The following ROBO1 variants were observed in gnomAD, a reference collection of about 807,000 sequenced individuals.
The protein encoded by ROBO1 is roundabout homolog 1.
In ROBO1, 149 loss-of-function variants were observed where a neutral mutation model predicts 195.9. The observed-to-expected ratio is 0.76, with a 90% CI of 0.67 to 0.87. The LOEUF (loss-of-function observed/expected upper bound fraction) is 0.87, where lower values mean the gene tolerates loss of function less well. Among genes scored for constraint, ROBO1 ranks in the 40% least tolerant of loss-of-function variants. The pLI is 0.00. For missense variants in ROBO1, 1,933 were observed against 2,068.3 expected, an observed-to-expected ratio of 0.93 and a Z score of 1.27; for synonymous variants, 816 against 733.2, an observed-to-expected ratio of 1.11 and a Z score of -1.82.
At chr3:78,795,839 A>G (rs1463064891) in intron 4 of ROBO1, among the ~76,000 whole-genome samples, 3 of 151,856 alleles carry the variant, frequency 2.0e-5, no homozygotes, top group Middle Eastern at 3.4e-3. Context: ...AAATACCCTA[A>G]GGAACTGGGA....
chr3:79,285,084 T>A (rs1201048050), intron 2 of ROBO1, among the ~76,000 whole-genome samples: 1 of 152,236 alleles, frequency 6.6e-6, no homozygotes, highest in East Asian at 1.9e-4. Flanking sequence ...TTGAATAACT[T>A]AACATATTGA....
chr3:78,685,770 T>G lies in ROBO1; in HGVS notation c.1318A>C (p.Lys440Gln), dbSNP rs2081036771. Residue 440 changes from lysine (K) to glutamine (Q), a missense_variant, in exon 10 of 31, where the codon AAG becomes CAG. By Grantham distance (53) the Lys-to-Gln change is moderately conservative. Coordinates refer to ENST00000464233, the MANE Select transcript of ROBO1 (RefSeq NM_002941.4). ...TLNVAGSIIT[K>Q]AYLEVTDVIA... is the part of the protein sequence containing the mutation. Reference sequence around the variant, plus strand: ...CCATCTGTAACTTCCAAATATGCCTTTGTGATGATGCTTCCAGCAACATTT... The same window carrying G: ...CCATCTGTAACTTCCAAATATGCCTGTGTGATGATGCTTCCAGCAACATTT... The G allele has an allele frequency of 1.2e-6, 2 of 1,609,534 alleles. No individual in the cohort carries two copies. Among genetic ancestry groups the G allele is most frequent in the African/African-American group, 2.7e-5 (2 of 74,842 alleles).
intron 2 of ROBO1, among the ~76,000 whole-genome samples, chr3:79,473,192 G>C (rs1938375865): frequency 6.6e-6 from 1 of 152,138 alleles, no homozygotes; most frequent in Non-Finnish European, 1.5e-5. Flanking sequence ...CTTTATTAGA[G>C]AAAGTAGGAG....
rs1265411925 is a variant in ROBO1, at chr3:78,786,866, A to T, written c.500-39966T>A. 2.6e-5 allele frequency among the ~76,000 whole-genome samples: 4 copies of T among 152,224 alleles called. No individual in the cohort carries two copies. In the East Asian group the frequency reaches 7.7e-4, roughly 29 times the overall value. ...TAGCAGTATGAAAATGGACTAATAC[A>T]TCATTTTACCATTTTACAAATGTGA... On this transcript the variant is annotated intron_variant, in intron 4 of 30. Coordinates refer to ENST00000464233, the MANE Select transcript of ROBO1 (RefSeq NM_002941.4).
intron 2 of ROBO1, among the ~76,000 whole-genome samples, chr3:79,576,037 T>A (rs1943474415): frequency 6.6e-6 from 1 of 152,038 alleles, no homozygotes; most frequent in Admixed American, 6.6e-5. Flanking sequence ...ATATCACATC[T>A]GTTTGTCATA....
At position 78,757,233 on chromosome 3, in the gene ROBO1, C is replaced by A. The variant is rs574484614; in HGVS notation, c.500-10333G>T. Among the ~76,000 whole-genome samples the A allele has an allele frequency of 3.4e-4, 52 of 152,268 alleles. No individual in the cohort carries two copies. In the South Asian group the frequency reaches 7.7e-3, roughly 22 times the overall value. On this transcript the variant is annotated intron_variant, in intron 4 of 30. Coordinates refer to ENST00000464233, the MANE Select transcript of ROBO1 (RefSeq NM_002941.4). Reference sequence around the variant, plus strand: ...ATCTTAGTACAACCTTCCCTACTTCCACTCCCACTCGCAATTGCAAATGAG... The same window carrying A: ...ATCTTAGTACAACCTTCCCTACTTCAACTCCCACTCGCAATTGCAAATGAG...
At chr3:78,634,824 G>C (rs1255985843) in intron 23 of ROBO1, among the ~76,000 whole-genome samples, 2 of 152,028 alleles carry the variant, frequency 1.3e-5, no homozygotes, top group Admixed American at 1.3e-4. Flanking sequence ...CTTCATTCTC[G>C]AGTTAAAACA....
At chr3:78,737,850 A>C (rs764695860) in intron 5 of ROBO1, among the ~76,000 whole-genome samples, 5 of 152,218 alleles carry the variant, frequency 3.3e-5, no homozygotes, top group Non-Finnish European at 7.3e-5. Flanking sequence ...TTGACACTTT[A>C]TGTAAGATGA....
At position 79,581,153 on chromosome 3, in the gene ROBO1, T is replaced by C. The variant is rs577081169; in HGVS notation, c.88+8671A>G. ...TTTGTCTTGTTTTATTTATTTTATT[T>C]TTTTTACCAAGGCTTTCTCTACCCT... On this transcript the variant is annotated intron_variant, in intron 2 of 30. Transcript: ENST00000464233. 2.0e-5 allele frequency among the ~76,000 whole-genome samples: 3 copies of C among 148,616 alleles called. No homozygotes were observed. In the South Asian group the frequency reaches 6.4e-4, roughly 32 times the overall value.
intron 1 of ROBO1, among the ~76,000 whole-genome samples, chr3:79,640,631 A>G (rs552322157): frequency 6.6e-6 from 1 of 152,040 alleles, no homozygotes; most frequent in Non-Finnish European, 1.5e-5. Context: ...AACTTTAAAG[A>G]CACCTCCCTT....
intron 4 of ROBO1, among the ~76,000 whole-genome samples, chr3:78,922,276 A>G (rs968562375): frequency 6.6e-6 from 1 of 152,144 alleles, no homozygotes; most frequent in African/African-American, 2.4e-5. Context: ...AAAAATGTTC[A>G]GGAAAATCAT....
chr3:79,729,212 T>G (rs1394505593), intron 1 of ROBO1, among the ~76,000 whole-genome samples: 1 of 152,172 alleles, frequency 6.6e-6, no homozygotes, highest in African/African-American at 2.4e-5. Flanking sequence ...TTGCTTTTTC[T>G]TTACAACTAA....
At chr3:79,484,621 CTAA>C (rs1939051633) in intron 2 of ROBO1, among the ~76,000 whole-genome samples, 2 of 151,804 alleles carry the variant, frequency 1.3e-5, no homozygotes, top group Non-Finnish European at 2.9e-5. Flanking sequence ...TTGTCTGCTG[CTAA>C]TTTGAAAAGC....
intron 1 of ROBO1, among the ~76,000 whole-genome samples, chr3:79,674,823 T>C (rs1241593411): frequency 7.5e-6 from 1 of 134,150 alleles, no homozygotes; most frequent in Non-Finnish European, 1.6e-5. Context: ...AATCTATTTA[T>C]ATCCGTGTGT....
At chr3:79,714,294 ATG>A (rs1450746513) in intron 1 of ROBO1, among the ~76,000 whole-genome samples, 1 of 152,212 alleles carries the variant, frequency 6.6e-6, no homozygotes, top group Non-Finnish European at 1.5e-5. Flanking sequence ...CAAAACCACA[ATG>A]AGATACCATC....
At chr3:78,629,650 A>ACAAAACCAG (rs1705051459) in intron 25 of ROBO1, among the ~76,000 whole-genome samples, 2 of 129,858 alleles carry the variant, frequency 1.5e-5, no homozygotes, top group Non-Finnish European at 3.3e-5. Flanking sequence ...TAAAAACAAA[A>ACAAAACCAG]CCAAACCAAC....
chr3:79,402,521 T>A (rs1373949716), intron 2 of ROBO1, among the ~76,000 whole-genome samples: 1 of 151,918 alleles, frequency 6.6e-6, no homozygotes, highest in African/African-American at 2.4e-5. Context: ...CTAATAATAA[T>A]AAGTACCCCA....
intron 2 of ROBO1, among the ~76,000 whole-genome samples, chr3:79,589,313 T>A (rs2107815718): frequency 6.6e-6 from 1 of 151,904 alleles, no homozygotes; most frequent in Non-Finnish European, 1.5e-5. Flanking sequence ...AATAGGTTTC[T>A]AACTTCACCC....
chr3:79,661,283 T>C (rs1042824928), intron 1 of ROBO1, among the ~76,000 whole-genome samples: 12 of 152,070 alleles, frequency 7.9e-5, no homozygotes, highest in African/African-American at 2.7e-4. Context: ...GATCTGGCTA[T>C]GCTCTCTTTC....
Sources: gnomAD v4.1 joint callset for allele counts (sites outside exome capture counted in the v4.1 genomes callset) on GRCh38, gnomAD v4.1.1 for gene constraint, MANE v1.5 for transcripts, NCBI Gene and HGNC (gene_info 2026-07-23, HGNC 2026-07-21) for gene names.